RIMS1: variants seen among roughly 807,000 people sequenced by gnomAD.
The protein encoded by RIMS1 is regulating synaptic membrane exocytosis 1, also known as regulating synaptic membrane exocytosis protein 1.
A neutral mutation model predicts 214.1 loss-of-function variants in RIMS1; 83 were observed. The ratio of observed to expected loss-of-function variants is 0.39; its 90% confidence interval spans 0.32 to 0.47. The LOEUF (loss-of-function observed/expected upper bound fraction) is 0.47, where lower values mean the gene tolerates loss of function less well. Ranked by LOEUF, RIMS1 falls within the 20% of genes least tolerant of loss-of-function variation. RIMS1 has a pLI of 0.99. For synonymous variants in RIMS1, 793 were observed against 786.8 expected, an observed-to-expected ratio of 1.01 and a Z score of -0.13; for missense variants, 2,050 against 2,161.8, an observed-to-expected ratio of 0.95 and a Z score of 1.03.
In RIMS1 at chr6:72,182,392, A is replaced by C; in HGVS notation, c.921A>C (p.Glu307Asp). The C allele has an allele frequency of 6.2e-7, 1 of 1,613,954 alleles. No homozygotes were observed. Among genetic ancestry groups the C allele is most frequent in the Non-Finnish European group, 8.5e-7 (1 of 1,179,886 alleles). ...SAQPVEGAVE[E>D]RERKERRESR... ...AGCCCGTGGAGGGGGCCGTCGAAGA[A>C]CGGGAGCGCAAAGAAAGGCGGGAAA... The change falls in exon 6 of 34, where the codon GAA (glutamate) becomes GAC (aspartate). Residue 307 changes from glutamate to aspartate, a missense_variant. Physicochemically the swap from Glu to Asp is conservative, Grantham distance 45. Transcript: ENST00000521978.
intron 22 of RIMS1, among the ~76,000 whole-genome samples, chr6:72,269,319 T>C (rs577522362): frequency 1.6e-4 from 24 of 152,318 alleles, no homozygotes; most frequent in African/African-American, 5.5e-4. Flanking sequence ...TGATGTCTGC[T>C]TTGAAGGCTT....
At chr6:72,033,124 T>C (rs1162893370) in intron 2 of RIMS1, among the ~76,000 whole-genome samples, 4 of 152,248 alleles carry the variant, frequency 2.6e-5, no homozygotes, top group Non-Finnish European at 5.9e-5. Flanking sequence ...CGTTTCTTTG[T>C]AACTGGATGT....
At chr6:72,276,735 A>G (rs932717001) in intron 23 of RIMS1, among the ~76,000 whole-genome samples, 23 of 152,214 alleles carry the variant, frequency 1.5e-4, no homozygotes, top group African/African-American at 4.8e-4. Context: ...TAAGACAAAT[A>G]TGTACGTATA....
chr6:72,315,262 AT>A (rs1251074565), intron 28 of RIMS1, among the ~76,000 whole-genome samples: 1 of 152,156 alleles, frequency 6.6e-6, no homozygotes, highest in Non-Finnish European at 1.5e-5. Context: ...CTTCGTATGA[AT>A]TTTCATATTT....
At chr6:72,210,853 A>G (rs1292274573) in intron 6 of RIMS1, among the ~76,000 whole-genome samples, 2 of 152,202 alleles carry the variant, frequency 1.3e-5, no homozygotes, top group Non-Finnish European at 2.9e-5. Flanking sequence ...AGTGCTTAGT[A>G]TAGTTGATAC....
At chr6:71,953,790 G>A (rs1790361949) in intron 1 of RIMS1, among the ~76,000 whole-genome samples, 1 of 152,222 alleles carries the variant, frequency 6.6e-6, no homozygotes, top group South Asian at 2.1e-4. Context: ...GAAAGCCAAA[G>A]CAAATGCACC....
rs1019270504 is a variant in RIMS1, at chr6:72,020,777, G to A, written c.245+51714G>A. ...AAGAGTACTTTGGTGAAGCAAGTTG[G>A]AGAACATGGCTTAGACTGGATAAAA... On this transcript the variant is annotated intron_variant, in intron 2 of 33. Transcript: ENST00000521978. Among the ~76,000 whole-genome samples, 38 of 152,306 alleles carry A rather than the reference G, an allele frequency of 2.5e-4. 3 individuals are homozygous for A. Among genetic ancestry groups the A allele is most frequent in the Admixed American group, 2.4e-3 (37 of 15,284 alleles).
intron 1 of RIMS1, among the ~76,000 whole-genome samples, chr6:71,938,365 C>T (rs1195416054): frequency 6.6e-6 from 1 of 152,212 alleles, no homozygotes; most frequent in Non-Finnish European, 1.5e-5. Flanking sequence ...TCTGACTTCA[C>T]ATGTGCACTT....
intron 4 of RIMS1, among the ~76,000 whole-genome samples, chr6:72,115,382 A>T (rs1215116619): frequency 6.6e-6 from 1 of 152,098 alleles, no homozygotes; most frequent in East Asian, 1.9e-4. Flanking sequence ...TCGTATGTCA[A>T]TCAAATGTAC....
At chr6:72,120,157 G>A (rs536511415) in intron 4 of RIMS1, among the ~76,000 whole-genome samples, 5 of 151,762 alleles carry the variant, frequency 3.3e-5, no homozygotes, top group Non-Finnish European at 7.4e-5. Flanking sequence ...ATAATCCTTT[G>A]GGTATATACC....
At position 72,268,938 on chromosome 6, in the gene RIMS1, GAGTT is replaced by G. The variant is rs141147044; in HGVS notation, c.3398+2891_3398+2894del. ...CTTGCTTCCCTGATTGGCAAGGAGT[GAGTT>G]ACAGGCCTGCTATTAACCTTTGCTT... On this transcript the variant is annotated intron_variant, in intron 22 of 33. Transcript: ENST00000521978. 6.1e-4 allele frequency among the ~76,000 whole-genome samples: 93 copies of G among 152,230 alleles called. No individual in the cohort carries two copies. In the East Asian group the frequency reaches 0.016, roughly 27 times the overall value.
chr6:72,009,585 A>G (rs567927705), intron 2 of RIMS1, among the ~76,000 whole-genome samples: 2 of 152,188 alleles, frequency 1.3e-5, no homozygotes, highest in Non-Finnish European at 2.9e-5. Context: ...TAGCAAGACT[A>G]ATAAAGAAAA....
At chr6:72,217,851 T>A (rs1034731258) in intron 6 of RIMS1, among the ~76,000 whole-genome samples, 4 of 152,176 alleles carry the variant, frequency 2.6e-5, no homozygotes, top group Admixed American at 2.0e-4. Flanking sequence ...AGAAGTGTAA[T>A]CTTTTGCATC....
chr6:72,352,709 G>T (rs1444967519), intron 29 of RIMS1, among the ~76,000 whole-genome samples: 2 of 152,098 alleles, frequency 1.3e-5, no homozygotes, highest in Admixed American at 1.3e-4. Flanking sequence ...AAGTATAAAA[G>T]GGAAATGGAG....
intron 28 of RIMS1, among the ~76,000 whole-genome samples, chr6:72,317,916 G>A (rs959115954): frequency 6.6e-6 from 1 of 151,918 alleles, no homozygotes; most frequent in South Asian, 2.1e-4. Context: ...ACTTAATTAG[G>A]TTCAAGTTCA....
chr6:71,983,127 C>T (rs973268270), intron 2 of RIMS1, among the ~76,000 whole-genome samples: 3 of 152,164 alleles, frequency 2.0e-5, no homozygotes, highest in Non-Finnish European at 2.9e-5. Flanking sequence ...CCACCCCCTT[C>T]ACCAAAATTT....
chr6:72,236,575 A>C (rs184669330), intron 8 of RIMS1, among the ~76,000 whole-genome samples: 65 of 152,300 alleles, frequency 4.3e-4, no homozygotes, highest in Middle Eastern at 3.4e-3. Flanking sequence ...TAATGTAAAC[A>C]GTGTCAAACA....
At chr6:72,178,236 G>T (rs978871120) in intron 4 of RIMS1, among the ~76,000 whole-genome samples, 2 of 152,034 alleles carry the variant, frequency 1.3e-5, no homozygotes, top group African/African-American at 4.8e-5. Context: ...TTCCTGGAAA[G>T]CAGTTCTTAA....
At chr6:71,954,048 C>CT (rs939154268) in intron 1 of RIMS1, among the ~76,000 whole-genome samples, 16 of 151,862 alleles carry the variant, frequency 1.1e-4, no homozygotes, top group African/African-American at 2.2e-4. Flanking sequence ...ACTTTCATGA[C>CT]TTTTTTTTGC....
Sources: gnomAD v4.1 joint callset for allele counts (sites outside exome capture counted in the v4.1 genomes callset) on GRCh38, gnomAD v4.1.1 for gene constraint, MANE v1.5 for transcripts, NCBI Gene and HGNC (gene_info 2026-07-23, HGNC 2026-07-21) for gene names.